GRIA2: variants seen among roughly 807,000 people sequenced by gnomAD.
GRIA2 encodes the protein glutamate ionotropic receptor AMPA type subunit 2.
A neutral mutation model predicts 97.3 loss-of-function variants in GRIA2; 14 were observed. The observed-to-expected ratio is 0.14, with a 90% CI of 0.10 to 0.23. GRIA2 has a LOEUF of 0.23. Among genes scored for constraint, GRIA2 ranks in the 10% least tolerant of loss-of-function variants. The pLI is 1.00. For synonymous variants in GRIA2, 412 were observed against 387.8 expected (o/e 1.06, Z -0.73); for missense variants, 558 against 1,069.8 (o/e 0.52, Z 6.67).
intron 6 of GRIA2, among the ~76,000 whole-genome samples, chr4:157,330,037 T>G (rs1734979174): frequency 6.6e-6 from 1 of 151,908 alleles, no homozygotes; most frequent in Admixed American, 6.6e-5. Context: ...GCATAGGGTT[T>G]TTTAGACTTA....
At chr4:157,245,258 G>A (rs1011101914) in intron 2 of GRIA2, among the ~76,000 whole-genome samples, 4 of 151,920 alleles carry the variant, frequency 2.6e-5, no homozygotes, top group South Asian at 2.1e-4. Flanking sequence ...AATTAAGGTG[G>A]CATCATATAC....
rs137915976 is a variant in GRIA2 at position 157,302,770 on chromosome 4, C to T, written c.230-782C>T. Among the ~76,000 whole-genome samples, 219 of 152,048 alleles carry T rather than the reference C, an allele frequency of 1.4e-3. 1 individual carries two copies. The highest frequency in any genetic ancestry group is 2.3e-3 in the South Asian group (11 of 4,820). On this transcript the variant is annotated intron_variant, in intron 2 of 15. Transcript: ENST00000264426. ...AATGAGCACATAACTTAGTTATGGA[C>T]TGACTTTTGGGGGAAGGAGTGAAAG...
At chr4:157,226,716 G>A (rs911943065) in intron 2 of GRIA2, among the ~76,000 whole-genome samples, 1 of 151,944 alleles carries the variant, frequency 6.6e-6, no homozygotes, top group African/African-American at 2.4e-5. Context: ...GATTGGCTAC[G>A]CGATCCTGTT....
intron 2 of GRIA2, among the ~76,000 whole-genome samples, chr4:157,281,887 T>G (rs796223894): frequency 6.6e-5 from 10 of 152,238 alleles, no homozygotes; most frequent in African/African-American, 2.4e-4. Context: ...AGGTCTCTCT[T>G]TAGCTCATTT....
intron 2 of GRIA2, among the ~76,000 whole-genome samples, chr4:157,223,563 T>C (rs1729606501): frequency 6.6e-6 from 1 of 152,230 alleles, no homozygotes; most frequent in Non-Finnish European, 1.5e-5. Flanking sequence ...GACTATTCAT[T>C]TGATATCAGT....
intron 2 of GRIA2, among the ~76,000 whole-genome samples, chr4:157,274,290 C>T (rs1341475950): frequency 6.6e-6 from 1 of 151,728 alleles, no homozygotes; most frequent in East Asian, 1.9e-4. Context: ...AAAGGAATTC[C>T]ATTGCAGAAG....
intron 4 of GRIA2, among the ~76,000 whole-genome samples, chr4:157,314,030 G>A (rs1219326023): frequency 6.6e-6 from 1 of 152,126 alleles, no homozygotes; most frequent in Non-Finnish European, 1.5e-5. Context: ...TCTTCACATT[G>A]AGTAGGCTGT....
chr4:157,232,919 C>T (rs1007537196), intron 2 of GRIA2, among the ~76,000 whole-genome samples: 3 of 152,136 alleles, frequency 2.0e-5, no homozygotes, highest in African/African-American at 7.2e-5. Flanking sequence ...GTTTCTACCT[C>T]TGTAAAAGGG....
chr4:157,357,970 A>G (rs1185619419), intron 12 of GRIA2, among the ~76,000 whole-genome samples: 1 of 152,132 alleles, frequency 6.6e-6, no homozygotes, highest in Non-Finnish European at 1.5e-5. Context: ...CTCAAAATTG[A>G]TATTTTAAAC....
In GRIA2 at chr4:157,297,020, G is replaced by T. The variant is rs571075265; in HGVS notation, c.230-6532G>T. On this transcript the variant is annotated intron_variant, in intron 2 of 15. Transcript: ENST00000264426. ...TAACACCTGAGCAAATGCTATACGT[G>T]CTCTTCTCTAAGCAATTGCAAGAAA... 7.2e-5 allele frequency among the ~76,000 whole-genome samples: 11 copies of T among 152,276 alleles called. No individual in the cohort carries two copies. In the East Asian group the frequency reaches 1.9e-3, roughly 27 times the overall value.
chr4:157,335,953 A>G (rs1735265550), intron 10 of GRIA2, 76 bp downstream of exon 10: 1 of 913,066 alleles, frequency 1.1e-6, no homozygotes, highest in Admixed American at 2.0e-5. Context: ...CTCCCTGTGA[A>G]GTATCTATAT....
rs1168734640 is a variant in GRIA2, at chr4:157,363,022, G to A, written c.2630G>A (p.Gly877Asp). 2.5e-6 allele frequency: 4 copies of A among 1,612,220 alleles called. No individual in the cohort carries two copies. The South Asian group carries it at 4.4e-5, about 18-fold the overall frequency. The change falls in exon 15 of 16, where the codon GGC becomes GAC. Residue 877 changes from glycine (G) to aspartate (D), a missense_variant. This residue lies in a region of GRIA2 where 54 missense variants were observed against 82.1 expected (regional missense o/e 0.66). Transcript: ENST00000264426. ...TATAAGGAAGGTTACAACGTATATG[G>A]CATCGAAAGTGTTAAAATTTAGGGG... Reference protein sequence around the residue: ...ATYKEGYNVYGIESVKI With the variant: ...ATYKEGYNVYDIESVKI
chr4:157,235,172 T>C (rs1165693931), intron 2 of GRIA2, among the ~76,000 whole-genome samples: 1 of 152,186 alleles, frequency 6.6e-6, no homozygotes, highest in African/African-American at 2.4e-5. Context: ...AAAAGCTATA[T>C]ACTTATCTTT....
chr4:157,297,402 A>G (rs899413176), intron 2 of GRIA2, among the ~76,000 whole-genome samples: 11 of 152,174 alleles, frequency 7.2e-5, no homozygotes, highest in African/African-American at 2.7e-4. Flanking sequence ...AGTTAATATC[A>G]ACATTAATTA....
At chr4:157,320,850 A>G (rs1734528956) in intron 5 of GRIA2, among the ~76,000 whole-genome samples, 1 of 152,144 alleles carries the variant, frequency 6.6e-6, no homozygotes, top group South Asian at 2.1e-4. Context: ...TTTAGTAATG[A>G]CTGAATTCAT....
chr4:157,299,561 C>G (rs1417685654), intron 2 of GRIA2, among the ~76,000 whole-genome samples: 1 of 152,134 alleles, frequency 6.6e-6, no homozygotes, highest in African/African-American at 2.4e-5. Flanking sequence ...GTTCAGCATA[C>G]AGACTGTATC....
chr4:157,340,500 T>G (rs1210500556), intron 11 of GRIA2, among the ~76,000 whole-genome samples: 1 of 151,970 alleles, frequency 6.6e-6, no homozygotes, highest in Non-Finnish European at 1.5e-5. Flanking sequence ...AAAAATATTG[T>G]TATTTTATTA....
At chr4:157,276,199 C>G (rs1002512613) in intron 2 of GRIA2, among the ~76,000 whole-genome samples, 2 of 151,686 alleles carry the variant, frequency 1.3e-5, no homozygotes, top group East Asian at 3.9e-4. Flanking sequence ...GCTTGTGATT[C>G]CACAATGGAA....
In GRIA2 at chr4:157,361,013, T is replaced by A; in HGVS notation, c.2295T>A (p.Asn765Lys). The change falls in exon 14 of 16, where the codon AAT (asparagine) becomes AAA (lysine). Residue 765 changes from asparagine to lysine, a missense_variant. By Grantham distance (94) the Asn-to-Lys change is moderately conservative. Around this residue, in one of 8 missense-constraint regions of GRIA2, gnomAD observed 125 missense variants for 310.2 expected, o/e 0.40. Coordinates refer to ENST00000264426, the MANE Select transcript of GRIA2 (RefSeq NM_001083619.3). This position sits in a 1 kb window ranked among gnomAD's most constrained non-coding sequence, Gnocchi z 5.2. ...AAGTATGTTTTATCGTTTCAAGAAA[T>A]GCGGTTAACCTCGCAGTACTAAAAC... The part of the protein sequence containing the change: ...IATPKGSSLR[N>K]AVNLAVLKLN... 1 of 1,602,376 alleles carries A rather than the reference T, an allele frequency of 6.2e-7. No homozygotes were observed. Among genetic ancestry groups the A allele is most frequent in the Non-Finnish European group, 8.6e-7 (1 of 1,169,494 alleles).
Sources: gnomAD v4.1 joint callset for allele counts (sites outside exome capture counted in the v4.1 genomes callset) on GRCh38, gnomAD v4.1.1 for gene constraint, gnomAD v4.1.1 regional missense constraint, Gnocchi (gnomAD v3.1) non-coding constraint, MANE v1.5 for transcripts, NCBI Gene and HGNC (gene_info 2026-07-23, HGNC 2026-07-21) for gene names.